SORCS3: variants seen among roughly 807,000 people sequenced by gnomAD.
SORCS3 encodes sortilin related VPS10 domain containing receptor 3, also known as VPS10 domain-containing receptor SorCS3.
A neutral mutation model predicts 146.3 loss-of-function variants in SORCS3; 57 were observed. The ratio of observed to expected loss-of-function variants is 0.39; its 90% confidence interval spans 0.31 to 0.49. The LOEUF (loss-of-function observed/expected upper bound fraction) is 0.49, where lower values mean the gene tolerates loss of function less well. Among genes scored for constraint, SORCS3 ranks in the 20% least tolerant of loss-of-function variants. The pLI is 0.92. For missense variants in SORCS3, 1,341 were observed against 1,575.5 expected (o/e 0.85, Z 2.52); for synonymous variants, 653 against 618.5 (o/e 1.06, Z -0.83).
chr10:104,821,042 A>G (rs2017866974), intron 1 of SORCS3, among the ~76,000 whole-genome samples: 1 of 152,218 alleles, frequency 6.6e-6, no homozygotes, highest in Non-Finnish European at 1.5e-5. Context: ...GCTTGATCCA[A>G]CAGCTCAAAT....
At chr10:105,001,397 A>G (rs930099279) in intron 4 of SORCS3, among the ~76,000 whole-genome samples, 1 of 152,212 alleles carries the variant, frequency 6.6e-6, no homozygotes, top group Non-Finnish European at 1.5e-5. Flanking sequence ...GGATTTGGCA[A>G]TTTTCTAGAG....
chr10:105,011,969 A>G (rs2055138603), intron 4 of SORCS3, among the ~76,000 whole-genome samples: 1 of 152,210 alleles, frequency 6.6e-6, no homozygotes, highest in African/African-American at 2.4e-5. Flanking sequence ...AAATAAAGCA[A>G]GAAAGGAGCA....
At chr10:105,155,403 A>G (rs1267604852) in intron 9 of SORCS3, among the ~76,000 whole-genome samples, 1 of 152,126 alleles carries the variant, frequency 6.6e-6, no homozygotes, top group Non-Finnish European at 1.5e-5. Flanking sequence ...GGCCCTGGGT[A>G]CTTGTGGGAG....
intron 1 of SORCS3, among the ~76,000 whole-genome samples, chr10:104,732,821 G>C (rs1019143439): frequency 6.6e-6 from 1 of 152,168 alleles, no homozygotes; most frequent in Non-Finnish European, 1.5e-5. Context: ...GTGTAGGTGT[G>C]CTGGGTATAG....
chr10:105,230,619 G>A (rs2056760722), intron 20 of SORCS3, among the ~76,000 whole-genome samples: 1 of 152,154 alleles, frequency 6.6e-6, no homozygotes, highest in Non-Finnish European at 1.5e-5. Flanking sequence ...GTGGGGAGAG[G>A]GGTTCTGTCT....
intron 2 of SORCS3, among the ~76,000 whole-genome samples, chr10:104,901,875 A>G (rs556511884): frequency 1.3e-5 from 2 of 152,286 alleles, no homozygotes; most frequent in East Asian, 3.9e-4. Context: ...TGCTTACTCC[A>G]GAGACATTGC....
At chr10:104,945,236 CTGTTTTGTTTTGTTT>C (rs10528591) in intron 3 of SORCS3, among the ~76,000 whole-genome samples, 14,950 of 151,372 alleles carry the variant, frequency 0.099, 817 homozygotes, top group South Asian at 0.25. Context: ...TGCTAATTTT[CTGTTTTGTTTTGTTT>C]TGTTTTGTTT....
chr10:105,069,583 TCAGA>T (rs1419140787), intron 5 of SORCS3, among the ~76,000 whole-genome samples: 1 of 152,170 alleles, frequency 6.6e-6, no homozygotes, highest in African/African-American at 2.4e-5. Context: ...CGCAACTCCT[TCAGA>T]CAGTGCTTGG....
chr10:104,928,087 T>A (rs893294823), intron 3 of SORCS3, among the ~76,000 whole-genome samples: 1 of 151,958 alleles, frequency 6.6e-6, no homozygotes, highest in South Asian at 2.1e-4. Context: ...AGGTTTTAAG[T>A]ATGTGGGTTT....
chr10:104,960,526 A>G (rs1007532205), intron 3 of SORCS3, among the ~76,000 whole-genome samples: 7 of 152,102 alleles, frequency 4.6e-5, no homozygotes, highest in African/African-American at 1.7e-4. Flanking sequence ...AGGGGGACTG[A>G]GCACACCAAC....
At chr10:104,867,450 C>T (rs1470061085) in intron 2 of SORCS3, among the ~76,000 whole-genome samples, 2 of 151,990 alleles carry the variant, frequency 1.3e-5, no homozygotes, top group African/African-American at 2.4e-5. Flanking sequence ...GTTGGGACTA[C>T]AGGTGCCCAC....
At chr10:105,003,759 T>G (rs995220213) in intron 4 of SORCS3, among the ~76,000 whole-genome samples, 2 of 152,158 alleles carry the variant, frequency 1.3e-5, no homozygotes, top group Non-Finnish European at 2.9e-5. Flanking sequence ...ATTTATTCCA[T>G]GGGCTCCTTC....
At chr10:105,011,631 G>T (rs148873469) in intron 4 of SORCS3, among the ~76,000 whole-genome samples, 4 of 152,278 alleles carry the variant, frequency 2.6e-5, no homozygotes, top group Middle Eastern at 3.4e-3. Context: ...GTGAGGTAGT[G>T]TGTCTCCACA....
At chr10:104,802,156 G>A (rs2017631087) in intron 1 of SORCS3, among the ~76,000 whole-genome samples, 1 of 152,118 alleles carries the variant, frequency 6.6e-6, no homozygotes, top group African/African-American at 2.4e-5. Flanking sequence ...TTTCGGTAAT[G>A]ACCTAGAATT....
intron 1 of SORCS3, among the ~76,000 whole-genome samples, chr10:104,780,209 G>A (rs2017359100): frequency 6.6e-6 from 1 of 151,638 alleles, no homozygotes; most frequent in African/African-American, 2.4e-5. Flanking sequence ...ACTGTGAATT[G>A]GAAATGCAGG....
intron 1 of SORCS3, among the ~76,000 whole-genome samples, chr10:104,660,618 A>AC (rs2015688717): frequency 6.7e-6 from 1 of 150,154 alleles, no homozygotes; most frequent in Non-Finnish European, 1.5e-5. Flanking sequence ...TTGTGTCTTC[A>AC]CTTTTTTTTT....
intron 13 of SORCS3, among the ~76,000 whole-genome samples, chr10:105,176,102 G>A (rs1170037830): frequency 6.6e-6 from 1 of 152,068 alleles, no homozygotes; most frequent in Non-Finnish European, 1.5e-5. Flanking sequence ...AGAAATGATT[G>A]GATGGATTTA....
chr10:105,139,507 G>A (rs776188500), intron 8 of SORCS3, 21 bp downstream of exon 8: 16 of 1,591,146 alleles, frequency 1.0e-5, no homozygotes, highest in African/African-American at 4.0e-5. Context: ...CACCACTAGC[G>A]GTCCTGGGTC....
At chr10:104,867,876 A>G (rs904614975) in intron 2 of SORCS3, among the ~76,000 whole-genome samples, 1 of 152,190 alleles carries the variant, frequency 6.6e-6, no homozygotes, top group East Asian at 1.9e-4. Flanking sequence ...GTAATTGCCA[A>G]AATTGACCCA....
Sources: gnomAD v4.1 joint callset for allele counts (sites outside exome capture counted in the v4.1 genomes callset) on GRCh38, gnomAD v4.1.1 for gene constraint, MANE v1.5 for transcripts, NCBI Gene and HGNC (gene_info 2026-07-23, HGNC 2026-07-21) for gene names.